The following KCTD1 variants were observed in gnomAD, a reference collection of about 807,000 sequenced individuals.
KCTD1 encodes potassium channel tetramerization domain containing 1.
KCTD1 carries 24 observed loss-of-function variants against 66.0 expected under a neutral mutation model. The ratio of observed to expected loss-of-function variants is 0.36; its 90% CI spans 0.26 to 0.51. The LOEUF is 0.51. KCTD1 is among the 20% of genes least tolerant of loss of function. The pLI is 0.95. For missense variants in KCTD1, 943 were observed against 1,205.2 expected (o/e 0.78, Z 3.22); for synonymous variants, 511 against 517.2 (o/e 0.99, Z 0.16).
intron 1 of KCTD1, among the ~76,000 whole-genome samples, chr18:26,586,416 C>T (rs1986473150): frequency 6.6e-6 from 1 of 152,174 alleles, no homozygotes; most frequent in African/African-American, 2.4e-5. Flanking sequence ...TCCTCAGTCT[C>T]CCTCCCTCTC....
intron 1 of KCTD1, among the ~76,000 whole-genome samples, chr18:26,503,565 CAG>C (rs1240302568): frequency 1.3e-5 from 2 of 152,054 alleles, no homozygotes; most frequent in African/African-American, 4.8e-5. Context: ...CACAGCGCGG[CAG>C]AGTCTGTAAT....
chr18:26,514,568 A>G (rs1041309329), intron 1 of KCTD1, among the ~76,000 whole-genome samples: 12 of 136,952 alleles, frequency 8.8e-5, no homozygotes, highest in Non-Finnish European at 1.7e-4. Flanking sequence ...AAAAAAAAAA[A>G]AAAGAAATGG....
chr18:26,566,501 G>A (rs1317118270), intron 1 of KCTD1: 1 of 152,174 alleles, frequency 6.6e-6, no homozygotes, highest in Non-Finnish European at 1.5e-5. Flanking sequence ...GCTCTGAGTT[G>A]GTTAACAATT....
intron 1 of KCTD1, among the ~76,000 whole-genome samples, chr18:26,624,546 C>T (rs1987457133): frequency 6.6e-6 from 1 of 152,240 alleles, no homozygotes; most frequent in South Asian, 2.1e-4. Context: ...TGGTGTTAAG[C>T]CTGTGGGTAC....
At chr18:26,623,990 T>C (rs530864658) in intron 1 of KCTD1, among the ~76,000 whole-genome samples, 1 of 152,228 alleles carries the variant, frequency 6.6e-6, no homozygotes, top group East Asian at 1.9e-4. Context: ...CAAATGGAGA[T>C]GAGGAACTTG....
At chr18:26,530,657 A>G (rs1020712647) in intron 1 of KCTD1, among the ~76,000 whole-genome samples, 4 of 152,238 alleles carry the variant, frequency 2.6e-5, no homozygotes, top group African/African-American at 9.6e-5. Context: ...AAAGGAGAAC[A>G]AATTAAAATT....
intron 1 of KCTD1, among the ~76,000 whole-genome samples, chr18:26,514,245 A>G (rs913838068): frequency 2.0e-5 from 3 of 152,104 alleles, no homozygotes; most frequent in Non-Finnish European, 2.9e-5. Context: ...GGTAATAAAA[A>G]TTTTTAAAGG....
Position 26,600,270 on chromosome 18 carries a change from CT to C in KCTD1, c.-16+28876del, listed in dbSNP as rs1986859776. 2.5e-6 allele frequency: 4 copies of C among 1,606,408 alleles called. No homozygotes were observed. In the African/African-American group the frequency reaches 5.4e-5, roughly 21 times the overall value. On this transcript the variant is annotated intron_variant, in intron 1 of 4. Transcript: ENST00000317932. ...ATGCCTTCCGCTGTGCCAGCTGCCCCTACCTTGGGATGCCAGCCTTCAAACC... is the reference window on the plus strand; with the variant it reads ...ATGCCTTCCGCTGTGCCAGCTGCCCCACCTTGGGATGCCAGCCTTCAAACC...
At chr18:26,543,159 G>T (rs1490136334) in intron 1 of KCTD1, 2 of 152,138 alleles carry the variant, frequency 1.3e-5, no homozygotes, top group Admixed American at 1.3e-4. Flanking sequence ...AAAACATTTA[G>T]TTTCTCCACC....
intron 1 of KCTD1, among the ~76,000 whole-genome samples, chr18:26,516,386 T>C (rs1983658376): frequency 6.6e-6 from 1 of 152,106 alleles, no homozygotes; most frequent in Non-Finnish European, 1.5e-5. Flanking sequence ...TGAGAGAAGT[T>C]TGGAAGAAAA....
intron 1 of KCTD1, among the ~76,000 whole-genome samples, chr18:26,617,812 G>A (rs1406053458): frequency 2.2e-5 from 3 of 134,646 alleles, no homozygotes; most frequent in Admixed American, 8.0e-5. Context: ...TGTGAGCTTG[G>A]CATTAAGCAA....
At chr18:26,636,330 G>A (rs575763404) in intron 1 of KCTD1, among the ~76,000 whole-genome samples, 1 of 152,244 alleles carries the variant, frequency 6.6e-6, no homozygotes, top group South Asian at 2.1e-4. Flanking sequence ...TTATGTGAGT[G>A]ATGGTTATGT....
At chr18:26,607,982 A>G (rs1987054803) in intron 1 of KCTD1, among the ~76,000 whole-genome samples, 1 of 152,056 alleles carries the variant, frequency 6.6e-6, no homozygotes, top group African/African-American at 2.4e-5. Context: ...TGTTGCCCAG[A>G]CTGGTTTCAA....
At chr18:26,512,867 G>C (rs1192955034) in intron 1 of KCTD1, among the ~76,000 whole-genome samples, 2 of 152,064 alleles carry the variant, frequency 1.3e-5, no homozygotes, top group Non-Finnish European at 2.9e-5. Context: ...TGTAGTCCCA[G>C]CTACTCGGGA....
intron 1 of KCTD1, among the ~76,000 whole-genome samples, chr18:26,522,327 G>A (rs1487360274): frequency 2.0e-5 from 3 of 152,152 alleles, no homozygotes; most frequent in Non-Finnish European, 2.9e-5. Context: ...GGCAGAGATC[G>A]ATCGGTTGAT....
intron 1 of KCTD1, among the ~76,000 whole-genome samples, chr18:26,572,938 C>T (rs1168151393): frequency 1.3e-5 from 2 of 151,974 alleles, no homozygotes; most frequent in African/African-American, 4.8e-5. Flanking sequence ...AAGTAGACAA[C>T]TAAGTTAATA....
At chr18:26,558,073 GC>G (rs1382471967) in intron 1 of KCTD1, among the ~76,000 whole-genome samples, 3 of 152,220 alleles carry the variant, frequency 2.0e-5, no homozygotes, top group African/African-American at 7.2e-5. Flanking sequence ...AGAACATTTG[GC>G]TGGGAGGCCC....
At chr18:26,581,593 T>C (rs1986355307) in intron 1 of KCTD1, 1 of 152,104 alleles carries the variant, frequency 6.6e-6, no homozygotes, top group Non-Finnish European at 1.5e-5. Context: ...CCTAGAACAT[T>C]GTGTCCCCTG....
Position 26,480,766 on chromosome 18 carries a change from T to TC in KCTD1, c.1989-4108_1989-4107insG, listed in dbSNP as rs1048965403. 6.5e-4 allele frequency among the ~76,000 whole-genome samples: 95 copies of TC among 147,164 alleles called. 1 individual carries two copies. The highest frequency in any genetic ancestry group is 2.1e-3 in the African/African-American group (86 of 40,360). On this transcript the variant is annotated intron_variant, in intron 2 of 4. Coordinates refer to ENST00000580059, the MANE Select transcript of KCTD1 (RefSeq NM_001142730.3). ...TGGGCAACAGAGCGAGACTTTGTCT[T>TC]AAAAAAAAAAAATTAGCACTCTGTT...
Sources: gnomAD v4.1 joint callset for allele counts (sites outside exome capture counted in the v4.1 genomes callset) on GRCh38, gnomAD v4.1.1 for gene constraint, MANE v1.5 for transcripts, NCBI Gene and HGNC (gene_info 2026-07-23, HGNC 2026-07-21) for gene names.